FAM222A: variants seen among roughly 807,000 people sequenced by gnomAD.
FAM222A encodes family with sequence similarity 222 member A.
A neutral mutation model predicts 25.8 loss-of-function variants in FAM222A; 7 were observed. That is an observed-to-expected ratio of 0.27 (90% confidence interval 0.15 to 0.51). The LOEUF is 0.51. Among genes scored for constraint, FAM222A ranks in the 20% least tolerant of loss-of-function variants. FAM222A has a pLI of 0.97. For missense variants in FAM222A, 573 were observed against 640.5 expected (o/e 0.89, Z 1.14); for synonymous variants, 294 against 298.8 (o/e 0.98, Z 0.17).
intron 2 of FAM222A, 63 bp downstream of exon 2, chr12:109,744,291 C>T: frequency 1.9e-6 from 3 of 1,544,640 alleles, no homozygotes; most frequent in Non-Finnish European, 2.6e-6. Flanking sequence ...CCATTCACCC[C>T]CCAGGATGTC....
At chr12:109,752,801 G>T (rs1337210031) in intron 2 of FAM222A, among the ~76,000 whole-genome samples, 1 of 152,206 alleles carries the variant, frequency 6.6e-6, no homozygotes, top group African/African-American at 2.4e-5. Context: ...TTGTGATGAG[G>T]TCTGGCTGTA....
At position 109,730,691 on chromosome 12, in the gene FAM222A, C is replaced by T. The variant is rs1487278633; in HGVS notation, c.-46-13410C>T. 2.0e-5 allele frequency among the ~76,000 whole-genome samples: 3 copies of T among 152,304 alleles called. No homozygotes were observed. In the East Asian group the frequency reaches 5.8e-4, roughly 29 times the overall value. On this transcript the variant is annotated intron_variant, in intron 1 of 2. Coordinates refer to ENST00000538780, the MANE Select transcript of FAM222A (RefSeq NM_032829.3). Reference sequence around the variant, plus strand: ...CCGTGTTTGGTTTTTCTCTGGGTTCCTGCAGCCTGGCACACCACAGGTGCT... The same window carrying T: ...CCGTGTTTGGTTTTTCTCTGGGTTCTTGCAGCCTGGCACACCACAGGTGCT...
chr12:109,727,379 C>T (rs1249222281), intron 1 of FAM222A, among the ~76,000 whole-genome samples: 2 of 152,178 alleles, frequency 1.3e-5, no homozygotes, highest in African/African-American at 4.8e-5. Context: ...GAGCCCTCCA[C>T]AGAGGTTTGG....
In FAM222A at chr12:109,714,172, G is replaced by A. The variant is rs569009895; in HGVS notation, c.-772G>A. ...GCTGTTTCTCAGCGCCGAGGCCCCC[G>A]AGGCTGCATCCGAGCTTGCGTCGCC... is the stretch of plus-strand genomic sequence containing the variant. On this transcript the variant is annotated 5_prime_UTR_variant, in exon 1 of 3. Coordinates refer to ENST00000538780, the MANE Select transcript of FAM222A (RefSeq NM_032829.3). The surrounding 1 kb of genome is among the most constrained non-coding windows in gnomAD (Gnocchi z 4.2). 3 of 195,548 alleles carry A rather than the reference G, an allele frequency of 1.5e-5. No individual in the cohort carries two copies. The highest frequency in any genetic ancestry group is 3.4e-4 in the East Asian group (2 of 5,924). 12.1% of individuals were successfully genotyped at this position (195,548 alleles called of 1,614,324 possible).
Position 109,768,265 on chromosome 12 carries a change from C to G in FAM222A, c.336C>G (p.Ser112=). 2.5e-6 allele frequency: 4 copies of G among 1,608,004 alleles called. No homozygotes were observed. The highest frequency in any genetic ancestry group is 2.5e-6 in the Non-Finnish European group (3 of 1,177,934). The stretch of plus-strand genomic sequence containing the variant: ...CCATTGTCAAGGCCGCGGTTTCCTC[C>G]TCCAGCACGGCCGCACCAGCTGGGC... The part of the protein sequence containing the change: ...LLAIVKAAVS[S]SSTAAPAGPA... Residue 112 remains serine, a synonymous_variant, in exon 3 of 3, where the codon TCC becomes TCG. Coordinates refer to ENST00000538780, the MANE Select transcript of FAM222A (RefSeq NM_032829.3).
At chr12:109,716,527 C>T (rs1887648918) in intron 1 of FAM222A, among the ~76,000 whole-genome samples, 1 of 152,148 alleles carries the variant, frequency 6.6e-6, no homozygotes, top group African/African-American at 2.4e-5. Context: ...ATGGTATTTC[C>T]AGCTGAAATG....
At chr12:109,756,537 G>A (rs911925755) in intron 2 of FAM222A, among the ~76,000 whole-genome samples, 3 of 151,970 alleles carry the variant, frequency 2.0e-5, no homozygotes, top group African/African-American at 4.8e-5. Flanking sequence ...TAACTATGTA[G>A]TTTTCATAGT....
chr12:109,731,245 G>A (rs114851441), intron 1 of FAM222A, among the ~76,000 whole-genome samples: 4 of 152,052 alleles, frequency 2.6e-5, no homozygotes, highest in Middle Eastern at 3.2e-3. Flanking sequence ...TGGTGGTGGC[G>A]GGAGGGGTAA....
chr12:109,723,038 T>C (rs1396901053), intron 1 of FAM222A, among the ~76,000 whole-genome samples: 2 of 151,998 alleles, frequency 1.3e-5, no homozygotes, highest in Non-Finnish European at 2.9e-5. Context: ...TTATTTCTTT[T>C]CATCAGGGAA....
At chr12:109,730,977 C>T (rs1051816899) in intron 1 of FAM222A, among the ~76,000 whole-genome samples, 9 of 152,060 alleles carry the variant, frequency 5.9e-5, no homozygotes, top group South Asian at 2.1e-4. Flanking sequence ...TGTTCATCAC[C>T]GGCTTCATCC....
chr12:109,720,701 G>T (rs1214877490), intron 1 of FAM222A, among the ~76,000 whole-genome samples: 1 of 152,262 alleles, frequency 6.6e-6, no homozygotes, highest in East Asian at 1.9e-4. Context: ...CCTGCCAGAT[G>T]CTGGGGACAT....
At chr12:109,763,415 T>C (rs560158696) in intron 2 of FAM222A, among the ~76,000 whole-genome samples, 2 of 152,342 alleles carry the variant, frequency 1.3e-5, no homozygotes, top group African/African-American at 4.8e-5. Flanking sequence ...GCAGCTTGGC[T>C]AAGTGGTTCT....
intron 1 of FAM222A, among the ~76,000 whole-genome samples, chr12:109,724,686 C>T (rs932559589): frequency 1.3e-5 from 2 of 152,190 alleles, no homozygotes; most frequent in Non-Finnish European, 2.9e-5. Context: ...CTCTGTGCCT[C>T]AGTTTCTTCC....
chr12:109,719,984 C>A lies in FAM222A; in HGVS notation c.-47+5087C>A, dbSNP rs144177007. ...TGTGTCCTCAGAGAAATTATTTTAC[C>A]CCTCTGTGCCTCAGTTTCCTCTTGT... On this transcript the variant is annotated intron_variant, in intron 1 of 2. Coordinates refer to ENST00000538780, the MANE Select transcript of FAM222A (RefSeq NM_032829.3). The A allele has an allele frequency of 4.0e-3, 2,099 of 529,788 alleles. 4 individuals carry two copies. The highest frequency in any genetic ancestry group is 4.5e-3 in the Non-Finnish European group (1,875 of 413,506). The allele number at this position is 529,788 out of a possible 1,614,324, so 32.8% of individuals were successfully genotyped here. A position where few individuals can be genotyped will look rare whatever the true frequency, so the allele number is the denominator to read the frequency against.
intron 1 of FAM222A, among the ~76,000 whole-genome samples, chr12:109,721,237 T>G (rs757488803): frequency 3.9e-5 from 6 of 152,202 alleles, no homozygotes; most frequent in Non-Finnish European, 7.4e-5. Context: ...AGCTTTTGCC[T>G]CTTCACTGCC....
intron 2 of FAM222A, among the ~76,000 whole-genome samples, chr12:109,756,593 C>G (rs1352873088): frequency 6.6e-6 from 1 of 152,108 alleles, no homozygotes; most frequent in African/African-American, 2.4e-5. Context: ...GGCAAATGCT[C>G]TGTGTCTATT....
intron 1 of FAM222A, among the ~76,000 whole-genome samples, chr12:109,731,818 G>T (rs1887954862): frequency 6.6e-6 from 1 of 152,184 alleles, no homozygotes; most frequent in African/African-American, 2.4e-5. Context: ...AAAAGAGCGG[G>T]GAGAGACCCC....
intron 1 of FAM222A, among the ~76,000 whole-genome samples, chr12:109,742,772 C>T (rs1888280243): frequency 6.6e-6 from 1 of 152,050 alleles, no homozygotes; most frequent in African/African-American, 2.4e-5. Flanking sequence ...TACCGAGAGG[C>T]CAGGACAGAC....
intron 2 of FAM222A, among the ~76,000 whole-genome samples, chr12:109,761,428 A>C (rs1007453345): frequency 1.3e-5 from 2 of 152,216 alleles, no homozygotes; most frequent in Non-Finnish European, 2.9e-5. Context: ...ATCAATACTC[A>C]GTCACTGGCT....
Sources: gnomAD v4.1 joint callset for allele counts (sites outside exome capture counted in the v4.1 genomes callset) on GRCh38, gnomAD v4.1.1 for gene constraint, Gnocchi (gnomAD v3.1) non-coding constraint, MANE v1.5 for transcripts, NCBI Gene and HGNC (gene_info 2026-07-23, HGNC 2026-07-21) for gene names.